Variants in ATAD5 observed in about 807,000 individuals in gnomAD.
ATAD5 encodes ATPase family AAA domain-containing protein 5.
In ATAD5, 58 loss-of-function variants were observed where a neutral mutation model predicts 176.9. The ratio of observed to expected loss-of-function variants is 0.33; its 90% CI spans 0.27 to 0.41. ATAD5 has a LOEUF of 0.41. Among genes scored for constraint, ATAD5 ranks in the 10% least tolerant of loss-of-function variants. ATAD5 has a pLI of 1.00. For synonymous variants in ATAD5, 640 were observed against 712.6 expected (o/e 0.90, Z 1.62); for missense variants, 1,789 against 2,094.1 (o/e 0.85, Z 2.84).
chr17:30,840,791 A>G lies in ATAD5; in HGVS notation c.2241+10A>G. On this transcript the variant is annotated intron_variant, in intron 4 of 22. Coordinates refer to ENST00000321990, the MANE Select transcript of ATAD5 (RefSeq NM_024857.5). ...ATTGTCAGAAACAGAAGTAAGTATTATAAATATCTGTTGGTATAAATTCTC... is the reference window on the plus strand; with the variant it reads ...ATTGTCAGAAACAGAAGTAAGTATTGTAAATATCTGTTGGTATAAATTCTC... 6.3e-7 allele frequency: 1 copy of G among 1,586,638 alleles called. No homozygotes were observed. Among genetic ancestry groups the G allele is most frequent in the African/African-American group, 1.4e-5 (1 of 73,378 alleles).
At chr17:30,868,562 C>T in intron 12 of ATAD5, 150 bp downstream of exon 12, 1 of 455,406 alleles carries the variant, frequency 2.2e-6, no homozygotes, top group Non-Finnish European at 3.4e-6. Flanking sequence ...TAGTGGAGTG[C>T]AGTGGCGCAA....
Position 30,832,346 on chromosome 17 carries a change from G to A in ATAD5, c.-2G>A. On this transcript the variant is annotated 5_prime_UTR_variant, in exon 1 of 23. Coordinates refer to ENST00000321990, the MANE Select transcript of ATAD5 (RefSeq NM_024857.5). ...GAGACGGGATTCCGGGAAGCGGGGA[G>A]TATGGTGGGGGTCCTGGCCATGGCG... 1 of 1,555,152 alleles carries A rather than the reference G, an allele frequency of 6.4e-7. No homozygotes were observed. Among genetic ancestry groups the A allele is most frequent in the South Asian group, 1.2e-5 (1 of 83,288 alleles).
chr17:30,842,748 G>A (rs893635896), intron 4 of ATAD5, among the ~76,000 whole-genome samples: 1 of 152,044 alleles, frequency 6.6e-6, no homozygotes, highest in Non-Finnish European at 1.5e-5. Flanking sequence ...TCATATGTTA[G>A]TTGCTTTATT....
At chr17:30,855,543 TA>T (rs1907244077) in intron 7 of ATAD5, among the ~76,000 whole-genome samples, 1 of 152,038 alleles carries the variant, frequency 6.6e-6, no homozygotes, top group South Asian at 2.1e-4. Flanking sequence ...GTTTCTTGTA[TA>T]AAATGGTGTA....
At chr17:30,841,866 T>A (rs530216262) in intron 4 of ATAD5, among the ~76,000 whole-genome samples, 5 of 152,326 alleles carry the variant, frequency 3.3e-5, no homozygotes, top group African/African-American at 1.2e-4. Context: ...TTGGGTTGTT[T>A]TCACTTTTTG....
At chr17:30,839,775 G>T (rs1455323124) in intron 3 of ATAD5, among the ~76,000 whole-genome samples, 1 of 149,060 alleles carries the variant, frequency 6.7e-6, no homozygotes, top group Non-Finnish European at 1.5e-5. Flanking sequence ...TAGAGACGGG[G>T]GTTTCGCCAT....
At chr17:30,846,721 CTT>C (rs34774584) in intron 6 of ATAD5, among the ~76,000 whole-genome samples, 27 of 129,142 alleles carry the variant, frequency 2.1e-4, no homozygotes, top group Non-Finnish European at 1.3e-4. Flanking sequence ...ATTTTTCTCT[CTT>C]TTTTTTTTTT....
chr17:30,876,498 TC>T lies in ATAD5; in HGVS notation c.3735del (p.Lys1246AsnfsTer8), dbSNP rs1372744780. 6.3e-7 allele frequency: 1 copy of T among 1,597,482 alleles called. No individual in the cohort carries two copies. The highest frequency in any genetic ancestry group is 8.6e-7 in the Non-Finnish European group (1 of 1,167,528). On this transcript the variant is annotated frameshift_variant, in exon 15 of 23. Transcript: ENST00000321990. LOFTEE classifies it high-confidence loss of function. ...KTLANYFKVS[P>X]KPKNNEEIGM... The stretch of plus-strand genomic sequence containing the variant: ...CCTTGGCAAATTATTTTAAAGTATC[TC>T]CCAAACCTAAAAATAATGAAGAAAT...
chr17:30,849,079 C>A (rs1393151074), intron 6 of ATAD5, among the ~76,000 whole-genome samples: 2 of 152,182 alleles, frequency 1.3e-5, no homozygotes, highest in East Asian at 3.9e-4. Context: ...CCATGTTGGC[C>A]AGACTGATTT....
intron 6 of ATAD5, among the ~76,000 whole-genome samples, chr17:30,850,172 A>C (rs564702183): frequency 6.6e-6 from 1 of 152,000 alleles, no homozygotes; most frequent in Non-Finnish European, 1.5e-5. Context: ...CTCTTCTTCA[A>C]AATTTGAAAA....
rs76953331 is a variant in ATAD5 at position 30,873,668 on chromosome 17, G to A, written c.3608-2706G>A. On this transcript the variant is annotated intron_variant, in intron 14 of 22. Coordinates refer to ENST00000321990, the MANE Select transcript of ATAD5 (RefSeq NM_024857.5). ...TATAGTTTAGCCAGCTACTCACAGA[G>A]TATCTTAAAATAAAAATTGCCTTTT... is the stretch of plus-strand genomic sequence containing the variant. Among the ~76,000 whole-genome samples, 980 of 148,842 alleles carry A rather than the reference G, an allele frequency of 6.6e-3. 33 individuals are homozygous for A. Among genetic ancestry groups the A allele is most frequent in the Admixed American group, 0.053 (796 of 14,966 alleles).
chr17:30,869,787 T>A, intron 14 of ATAD5, 141 bp downstream of exon 14: 1 of 864,064 alleles, frequency 1.2e-6, no homozygotes, highest in Non-Finnish European at 1.7e-6. Flanking sequence ...CAGATTATTT[T>A]AAAACAAATC....
At chr17:30,888,519 G>C (rs1467566754) in intron 19 of ATAD5, among the ~76,000 whole-genome samples, 1 of 151,996 alleles carries the variant, frequency 6.6e-6, no homozygotes, top group African/African-American at 2.4e-5. Context: ...ACTCCAGCCT[G>C]GGTGACAGAG....
At chr17:30,876,298 A>G in intron 14 of ATAD5, 76 bp from the exon 15 acceptor site, 1 of 1,308,536 alleles carries the variant, frequency 7.6e-7, no homozygotes, top group Non-Finnish European at 1.0e-6. Context: ...GTAGAAATAC[A>G]GAATGTGGCT....
At chr17:30,858,070 TTTA>T in intron 8 of ATAD5, 88 bp from the exon 9 acceptor site, 1 of 1,191,976 alleles carries the variant, frequency 8.4e-7, no homozygotes, top group South Asian at 2.3e-5. Context: ...TTGATACTGA[TTTA>T]TGATGGACAG....
chr17:30,849,295 C>T (rs1416130902), intron 6 of ATAD5, among the ~76,000 whole-genome samples: 1 of 152,126 alleles, frequency 6.6e-6, no homozygotes, highest in Non-Finnish European at 1.5e-5. Flanking sequence ...TGGAGTCTTG[C>T]TGTGTTTCTC....
chr17:30,855,351 ATATT>A (rs1351840539), intron 7 of ATAD5, 24 bp downstream of exon 7: 1 of 1,556,274 alleles, frequency 6.4e-7, no homozygotes, highest in Non-Finnish European at 8.7e-7. Flanking sequence ...TTATTATTGA[ATATT>A]TACTCTTCAG....
chr17:30,889,473 A>G (rs1691500899), intron 19 of ATAD5, among the ~76,000 whole-genome samples: 1 of 151,138 alleles, frequency 6.6e-6, no homozygotes, highest in Non-Finnish European at 1.5e-5. Flanking sequence ...ATTTTTCTAT[A>G]TGAGTATATA....
At chr17:30,890,991 C>T (rs1311683367) in intron 19 of ATAD5, among the ~76,000 whole-genome samples, 2 of 152,074 alleles carry the variant, frequency 1.3e-5, no homozygotes, top group East Asian at 1.9e-4. Context: ...ATGGATGTAC[C>T]GTAATTTAAC....
Sources: gnomAD v4.1 joint callset for allele counts (sites outside exome capture counted in the v4.1 genomes callset) on GRCh38, gnomAD v4.1.1 for gene constraint, MANE v1.5 for transcripts, NCBI Gene and HGNC (gene_info 2026-07-23, HGNC 2026-07-21) for gene names.